Variants in GNAO1 observed in about 807,000 individuals in gnomAD.
GNAO1 encodes the protein G protein subunit alpha o1.
For missense variants in GNAO1, 166 were observed against 478.7 expected, an observed-to-expected ratio of 0.35 and a Z score of 6.10; for synonymous variants, 164 against 180.7, an observed-to-expected ratio of 0.91 and a Z score of 0.74.
intron 2 of GNAO1, among the ~76,000 whole-genome samples, chr16:56,224,178 TC>T (rs1471648243): frequency 6.6e-6 from 1 of 152,140 alleles, no homozygotes. Flanking sequence ...GATCCTGTGG[TC>T]TAAGCCAAGC....
intron 2 of GNAO1, among the ~76,000 whole-genome samples, chr16:56,201,859 G>A (rs1410811778): frequency 2.0e-5 from 3 of 152,236 alleles, no homozygotes; most frequent in Admixed American, 6.5e-5. Flanking sequence ...ATTTGGTCAT[G>A]TTGACGATTC....
At chr16:56,328,120 G>A (rs755161108) in intron 3 of GNAO1, among the ~76,000 whole-genome samples, 3 of 152,142 alleles carry the variant, frequency 2.0e-5, no homozygotes, top group South Asian at 2.1e-4. Flanking sequence ...CTACCGAAAC[G>A]TCTGCTCCTC....
chr16:56,274,353 G>C (rs1365763110), intron 2 of GNAO1, among the ~76,000 whole-genome samples: 2 of 152,194 alleles, frequency 1.3e-5, no homozygotes, highest in African/African-American at 4.8e-5. Flanking sequence ...CCAGTGGCCT[G>C]TACTGGTTAT....
intron 3 of GNAO1, among the ~76,000 whole-genome samples, chr16:56,327,471 G>A (rs898576484): frequency 1.3e-5 from 2 of 152,078 alleles, no homozygotes; most frequent in Non-Finnish European, 2.9e-5. Context: ...CTTGCCACTC[G>A]CTCCTGAGGT....
chr16:56,293,689 A>G (rs2037255315), intron 3 of GNAO1, among the ~76,000 whole-genome samples: 1 of 152,214 alleles, frequency 6.6e-6, no homozygotes, highest in Non-Finnish European at 1.5e-5. Context: ...ATAACATATC[A>G]AACCCATAAT....
chr16:56,222,886 A>G (rs560371201), intron 2 of GNAO1, among the ~76,000 whole-genome samples: 3 of 152,134 alleles, frequency 2.0e-5, no homozygotes, highest in Non-Finnish European at 4.4e-5. Context: ...TGTCCCAGGC[A>G]TGGTGCCTGA....
chr16:56,345,839 A>C (rs2037861750), intron 6 of GNAO1: 1 of 985,424 alleles, frequency 1.0e-6, no homozygotes, highest in African/African-American at 1.7e-5. Flanking sequence ...CTGTAACCCC[A>C]GGCTCAGAAG....
chr16:56,291,810 T>C (rs2037235456), intron 3 of GNAO1, among the ~76,000 whole-genome samples: 1 of 152,244 alleles, frequency 6.6e-6, no homozygotes, highest in Middle Eastern at 3.2e-3. Context: ...GCTCCATAGA[T>C]GGTGCCCTAT....
In GNAO1 at chr16:56,193,784, G is replaced by GC. The variant is rs2036204580; in HGVS notation, c.161+1170dup. On this transcript the variant is annotated intron_variant, in intron 2 of 8. Coordinates refer to ENST00000262493, the MANE Select transcript of GNAO1 (RefSeq NM_020988.3). ...CCCTCCGGGCCTCCTGTTTCGGTTGGCCTGTCAGTTCGAGACGGAGGAGTT... is the reference window on the plus strand; with the variant it reads ...CCCTCCGGGCCTCCTGTTTCGGTTGGCCCTGTCAGTTCGAGACGGAGGAGTT... 4 of 294,282 alleles carry GC rather than the reference G, an allele frequency of 1.4e-5. No individual in the cohort carries two copies. In the Admixed American group the frequency reaches 1.8e-4, roughly 13 times the overall value. 18.2% of individuals were successfully genotyped at this position (294,282 alleles called of 1,614,324 possible).
chr16:56,346,705 C>T (rs2037873710), intron 6 of GNAO1: 5 of 985,626 alleles, frequency 5.1e-6, no homozygotes, highest in Non-Finnish European at 6.0e-6. Context: ...TACCTGCTGC[C>T]AGGACGCAGC....
Position 56,334,742 on chromosome 16 carries a change from C to G in GNAO1, c.478C>G (p.Leu160Val), listed in dbSNP as rs1454558144. Residue 160 changes from leucine to valine, a missense_variant, in exon 5 of 9, where the codon CTG becomes GTG. By Grantham distance (32) the Leu-to-Val change is conservative. Coordinates refer to ENST00000262493, the MANE Select transcript of GNAO1 (RefSeq NM_020988.3). ...NDSAKYYLDSLDRIGAADYQP... is the reference protein window; with the variant it reads ...NDSAKYYLDSVDRIGAADYQP... The stretch of plus-strand genomic sequence containing the variant: ...TGCCATCCTCAGCTACCTGGACAGC[C>G]TGGATCGGATTGGGGCCGCCGACTA... 1 of 1,613,908 alleles carries G rather than the reference C, an allele frequency of 6.2e-7. No homozygotes were observed. The highest frequency in any genetic ancestry group is 1.3e-5 in the African/African-American group (1 of 74,942).
intron 2 of GNAO1, among the ~76,000 whole-genome samples, chr16:56,211,484 C>T (rs955897698): frequency 5.3e-5 from 8 of 152,172 alleles, no homozygotes; most frequent in African/African-American, 1.9e-4. Context: ...TCTATTAAGG[C>T]TCTGCTAGCA....
chr16:56,201,552 G>T (rs1342817394), intron 2 of GNAO1, among the ~76,000 whole-genome samples: 1 of 152,236 alleles, frequency 6.6e-6, no homozygotes, highest in African/African-American at 2.4e-5. Flanking sequence ...GAGGAGATCA[G>T]CTCTGGAGGT....
chr16:56,316,994 A>AC (rs2143620424), intron 3 of GNAO1, among the ~76,000 whole-genome samples: 1 of 151,950 alleles, frequency 6.6e-6, no homozygotes, highest in South Asian at 2.1e-4. Flanking sequence ...TCGCCTTCCC[A>AC]CCCCCTGGCC....
intron 2 of GNAO1, among the ~76,000 whole-genome samples, chr16:56,214,842 C>T (rs2036424358): frequency 6.6e-6 from 1 of 152,378 alleles, no homozygotes; most frequent in Admixed American, 6.5e-5. Flanking sequence ...CTGTGCCTGG[C>T]CTGGGCCCCC....
chr16:56,300,354 C>T (rs1169720610), intron 3 of GNAO1, among the ~76,000 whole-genome samples: 1 of 152,172 alleles, frequency 6.6e-6, no homozygotes, highest in African/African-American at 2.4e-5. Context: ...AAATGAGTGG[C>T]TTCTCTCAGT....
At chr16:56,339,225 G>T (rs1246591144) in intron 6 of GNAO1, among the ~76,000 whole-genome samples, 1 of 152,252 alleles carries the variant, frequency 6.6e-6, no homozygotes, top group African/African-American at 2.4e-5. Flanking sequence ...GACAGATCTG[G>T]TCCAGGGTCT....
At chr16:56,319,777 G>A (rs1189419288) in intron 3 of GNAO1, among the ~76,000 whole-genome samples, 1 of 152,058 alleles carries the variant, frequency 6.6e-6, no homozygotes, top group African/African-American at 2.4e-5. Context: ...CACTTCTGGG[G>A]GGTACCTGTA....
At chr16:56,345,600 C>A in intron 6 of GNAO1, 1 of 985,520 alleles carries the variant, frequency 1.0e-6, no homozygotes, top group Non-Finnish European at 1.2e-6. Flanking sequence ...CAGGAGCCAC[C>A]CCATCAGCCC....
Sources: gnomAD v4.1 joint callset for allele counts (sites outside exome capture counted in the v4.1 genomes callset) on GRCh38, gnomAD v4.1.1 for gene constraint, MANE v1.5 for transcripts, NCBI Gene and HGNC (gene_info 2026-07-23, HGNC 2026-07-21) for gene names.